Variants in GSE1 observed in about 807,000 individuals in gnomAD.
GSE1 encodes the protein Gse1 coiled-coil protein, also known as genetic suppressor element 1.
A neutral mutation model predicts 112.6 loss-of-function variants in GSE1; 32 were observed. The observed-to-expected ratio is 0.28, with a 90% CI of 0.21 to 0.38. GSE1 has a LOEUF of 0.38. Among genes scored for constraint, GSE1 ranks in the 10% least tolerant of loss-of-function variants. The pLI is 1.00. For synonymous variants in GSE1, 1,115 were observed against 735.6 expected (o/e 1.52, Z -8.35); for missense variants, 2,348 against 1,699.2 (o/e 1.38, Z -6.71).
intron 2 of GSE1, among the ~76,000 whole-genome samples, chr16:85,420,282 A>C (rs1016623144): frequency 1.3e-5 from 2 of 152,100 alleles, no homozygotes; most frequent in Non-Finnish European, 2.9e-5. Context: ...TTGTCGCCCT[A>C]GTACCTCTGG....
intron 1 of GSE1, among the ~76,000 whole-genome samples, chr16:85,197,184 C>T (rs529138100): frequency 3.3e-5 from 5 of 152,082 alleles, no homozygotes; most frequent in African/African-American, 9.7e-5. Flanking sequence ...GACACAGGGA[C>T]GGGCAGTTCA....
In GSE1 at chr16:85,312,155, C is replaced by T. The variant is rs576782334; in HGVS notation, c.2284-45308C>T. 3.0e-4 allele frequency among the ~76,000 whole-genome samples: 44 copies of T among 147,356 alleles called. No homozygotes were observed. In the South Asian group the frequency reaches 9.0e-3, roughly 30 times the overall value. On this transcript the variant is annotated intron_variant, in intron 1 of 2. Coordinates refer to the GSE1 transcript ENST00000637419. ...ACCGCTTCCATCCCCTCCCGTGTGCCCAGCTCAGAGAACATTGCAATCCCT... is the reference window on the plus strand; with the variant it reads ...ACCGCTTCCATCCCCTCCCGTGTGCTCAGCTCAGAGAACATTGCAATCCCT...
intron 2 of GSE1, among the ~76,000 whole-genome samples, chr16:85,459,738 G>A (rs895727045): frequency 6.6e-6 from 1 of 152,302 alleles, no homozygotes; most frequent in African/African-American, 2.4e-5. Context: ...TGAAAGTTAC[G>A]TGGCCTCGGG....
At chr16:85,575,096 C>G (rs1322804526) in intron 1 of GSE1, among the ~76,000 whole-genome samples, 1 of 149,996 alleles carries the variant, frequency 6.7e-6, no homozygotes, top group African/African-American at 2.4e-5. Flanking sequence ...ATGTGGCTGC[C>G]TATTGTCAGA....
rs1054789503 is a variant in GSE1 at position 85,587,830 on chromosome 16, G to A, written c.37+31467G>A. The stretch of plus-strand genomic sequence containing the variant: ...CCTCGCCCTACCCCCAAGCCTTCCC[G>A]GACCCTTGGGCCCCCTCCCCCAGCC... On this transcript the variant is annotated intron_variant, in intron 1 of 2. Transcript: ENST00000635906. Among the ~76,000 whole-genome samples, 7 of 152,100 alleles carry A rather than the reference G, an allele frequency of 4.6e-5. No homozygotes were observed. The East Asian group carries it at 5.8e-4, about 13-fold the overall frequency.
chr16:85,338,935 G>C (rs1021935694), intron 1 of GSE1, among the ~76,000 whole-genome samples: 1 of 152,206 alleles, frequency 6.6e-6, no homozygotes, highest in Non-Finnish European at 1.5e-5. Context: ...GGCCTGGCCC[G>C]CAGCAGGCAG....
chr16:85,540,515 C>T (rs1434121463), intron 2 of GSE1, among the ~76,000 whole-genome samples: 1 of 152,216 alleles, frequency 6.6e-6, no homozygotes, highest in African/African-American at 2.4e-5. Context: ...TTTGCTAGGA[C>T]CTGTAGATGC....
In GSE1 at chr16:85,269,002, A is replaced by G. The variant is rs1013987709; in HGVS notation, c.2284-88461A>G. On this transcript the variant is annotated intron_variant, in intron 1 of 2. Coordinates refer to the GSE1 transcript ENST00000637419. ...TGCAGAAAATGCCAGGAGGGAGGAA[A>G]GGATGGATCTGTGATGTCTTCTGAG... Among the ~76,000 whole-genome samples the G allele has an allele frequency of 1.3e-4, 19 of 143,508 alleles. 5 individuals are homozygous for G. The highest frequency in any genetic ancestry group is 3.0e-4 in the Non-Finnish European group (19 of 62,564). The allele number at this position is 143,508 out of a possible 152,430, so 94.1% of individuals were successfully genotyped here. A position where few individuals can be genotyped will look rare whatever the true frequency, so the allele number is the denominator to read the frequency against.
chr16:85,331,527 GTGTATA>G lies in GSE1; in HGVS notation c.2284-25932_2284-25927del, dbSNP rs1263432662. Among the ~76,000 whole-genome samples, 198 of 96,796 alleles carry G rather than the reference GTGTATA, an allele frequency of 2.0e-3. 1 individual carries two copies. Among genetic ancestry groups the G allele is most frequent in the Middle Eastern group, 9.7e-3 (2 of 206 alleles). The allele number at this position is 96,796 out of a possible 152,430, so 63.5% of individuals were successfully genotyped here. A position where few individuals can be genotyped will look rare whatever the true frequency, so the allele number is the denominator to read the frequency against. On this transcript the variant is annotated intron_variant, in intron 1 of 2. Coordinates refer to the GSE1 transcript ENST00000637419. ...TATATATGTATATATGTGTATATATGTGTATATGTGTATATGTGTGTATATATGTGT... is the reference window on the plus strand; with the variant it reads ...TATATATGTATATATGTGTATATATGTGTGTATATGTGTGTATATATGTGT...
At chr16:85,595,459 C>T (rs1308483756) in intron 1 of GSE1, 2 of 152,310 alleles carry the variant, frequency 1.3e-5, no homozygotes, top group Non-Finnish European at 2.9e-5. Context: ...TGGCTGAGAA[C>T]CCCTCAGGGC....
intron 2 of GSE1, among the ~76,000 whole-genome samples, chr16:85,482,013 G>A (rs1303300319): frequency 1.3e-5 from 2 of 152,238 alleles, no homozygotes; most frequent in African/African-American, 4.8e-5. Flanking sequence ...CCTTGCAGGC[G>A]GGCCATCTGG....
At chr16:85,645,999 G>A (rs2151851655) in intron 2 of GSE1, among the ~76,000 whole-genome samples, 1 of 148,008 alleles carries the variant, frequency 6.8e-6, no homozygotes, top group East Asian at 2.0e-4. Flanking sequence ...TCCTATGCAT[G>A]CATTCTACCT....
intron 3 of GSE1, 121 bp downstream of exon 3, chr16:85,648,872 C>T (rs964103760): frequency 9.1e-6 from 5 of 548,918 alleles, no homozygotes; most frequent in Admixed American, 3.9e-5. Context: ...CCTCCCCCAC[C>T]CTGAGTTTCC....
At chr16:85,213,130 G>C (rs574331676) in intron 1 of GSE1, among the ~76,000 whole-genome samples, 11 of 152,038 alleles carry the variant, frequency 7.2e-5, no homozygotes. Context: ...TTAGCCAGCC[G>C]TGGTGGCGCA....
At chr16:85,256,737 G>A (rs1362198057) in intron 1 of GSE1, among the ~76,000 whole-genome samples, 2 of 152,226 alleles carry the variant, frequency 1.3e-5, no homozygotes, top group East Asian at 1.9e-4. Context: ...CTGGGGTCTC[G>A]TCCCTCACTC....
At chr16:85,319,942 G>A (rs1449372609) in intron 1 of GSE1, among the ~76,000 whole-genome samples, 1 of 152,306 alleles carries the variant, frequency 6.6e-6, no homozygotes, top group South Asian at 2.1e-4. Context: ...GCTTTCCCTG[G>A]GTCCCGGGCT....
At chr16:85,335,474 G>A (rs1378055322) in intron 1 of GSE1, among the ~76,000 whole-genome samples, 1 of 150,830 alleles carries the variant, frequency 6.6e-6, no homozygotes, top group Non-Finnish European at 1.5e-5. Flanking sequence ...AGGCCGTGCT[G>A]TGCGGGCTGG....
chr16:85,198,507 G>A (rs545964209), intron 1 of GSE1, among the ~76,000 whole-genome samples: 1 of 152,238 alleles, frequency 6.6e-6, no homozygotes, highest in Non-Finnish European at 1.5e-5. Context: ...CAGTGGATGA[G>A]CAGAGCCAGG....
At chr16:85,615,765 C>T (rs2048332352) in intron 1 of GSE1, among the ~76,000 whole-genome samples, 2 of 152,196 alleles carry the variant, frequency 1.3e-5, no homozygotes, top group South Asian at 2.1e-4. Flanking sequence ...TCTCCAAACT[C>T]GGTGTTTTAA....
Sources: allele counts gnomAD v4.1 joint callset (sites outside exome capture counted in the v4.1 genomes callset), GRCh38; gene constraint gnomAD v4.1.1; transcripts MANE v1.5; gene names NCBI Gene and HGNC (gene_info 2026-07-23, HGNC 2026-07-21).